The following MYT1L variants were observed in gnomAD, a reference collection of about 807,000 sequenced individuals.
The protein encoded by MYT1L is myelin transcription factor 1 like, also known as myelin transcription factor 1-like protein.
MYT1L carries 12 observed loss-of-function variants against 126.7 expected under a neutral mutation model. The observed-to-expected ratio is 0.09, with a 90% CI of 0.06 to 0.15. The LOEUF is 0.15. MYT1L is among the 10% of genes least tolerant of loss of function. The pLI is 1.00. For synonymous variants in MYT1L, 541 were observed against 604.2 expected, an observed-to-expected ratio of 0.90 and a Z score of 1.53; for missense variants, 979 against 1,585.2, an observed-to-expected ratio of 0.62 and a Z score of 6.49.
chr2:2,206,312 A>G (rs996021998), intron 2 of MYT1L, among the ~76,000 whole-genome samples: 3 of 152,080 alleles, frequency 2.0e-5, no homozygotes, highest in Non-Finnish European at 2.9e-5. Context: ...TTGAACATCT[A>G]TTTGTACCAT....
At chr2:2,134,200 C>T (rs1260708493) in intron 3 of MYT1L, among the ~76,000 whole-genome samples, 1 of 152,170 alleles carries the variant, frequency 6.6e-6, no homozygotes, top group Non-Finnish European at 1.5e-5. Flanking sequence ...GGGAGTCTCA[C>T]CTCCCTCCTG....
intron 1 of MYT1L, among the ~76,000 whole-genome samples, chr2:2,294,820 G>A (rs2095647605): frequency 6.6e-6 from 1 of 152,156 alleles, no homozygotes; most frequent in Non-Finnish European, 1.5e-5. Flanking sequence ...GCAAAGACTT[G>A]GGCAGGGTAT....
At chr2:2,010,615 C>T (rs1410244526) in intron 4 of MYT1L, among the ~76,000 whole-genome samples, 1 of 152,002 alleles carries the variant, frequency 6.6e-6, no homozygotes, top group East Asian at 1.9e-4. Flanking sequence ...GATCCGACGC[C>T]CTTCTAGGGA....
chr2:1,834,948 A>C (rs28440999), intron 21 of MYT1L, among the ~76,000 whole-genome samples: 573 of 40,390 alleles, frequency 0.014, 24 homozygotes, highest in African/African-American at 0.05. Context: ...CCTCCACATA[A>C]CACGGGGATG....
At chr2:2,006,646 G>A (rs1181186883) in intron 4 of MYT1L, among the ~76,000 whole-genome samples, 2 of 152,010 alleles carry the variant, frequency 1.3e-5, no homozygotes, top group Admixed American at 1.3e-4. Context: ...CGTGATCTCG[G>A]CTCACTGCAA....
chr2:2,160,826 G>C (rs1026104226), intron 3 of MYT1L, among the ~76,000 whole-genome samples: 3 of 152,158 alleles, frequency 2.0e-5, no homozygotes, highest in Admixed American at 6.5e-5. Flanking sequence ...ACATAAAGCA[G>C]GGAGGAGAAG....
Position 2,178,375 on chromosome 2 carries a change from T to C in MYT1L, c.-420-5387A>G, listed in dbSNP as rs530569544. Among the ~76,000 whole-genome samples the C allele has an allele frequency of 2.6e-5, 4 of 152,224 alleles. No homozygotes were observed. In the South Asian group the frequency reaches 8.3e-4, roughly 32 times the overall value. On this transcript the variant is annotated intron_variant, in intron 2 of 24. Transcript: ENST00000647738. ...TGGCTGTCTACAAACCAATAAACAATGTGGCAAGGACATCACATTTGTGGC... is the reference window on the plus strand; with the variant it reads ...TGGCTGTCTACAAACCAATAAACAACGTGGCAAGGACATCACATTTGTGGC...
At chr2:2,190,070 C>T (rs1433958953) in intron 2 of MYT1L, among the ~76,000 whole-genome samples, 1 of 152,216 alleles carries the variant, frequency 6.6e-6, no homozygotes, top group Non-Finnish European at 1.5e-5. Context: ...TCCCATAGGG[C>T]TCATCCTTCG....
At chr2:1,952,530 T>C (rs1032476291) in intron 8 of MYT1L, among the ~76,000 whole-genome samples, 2 of 151,910 alleles carry the variant, frequency 1.3e-5, no homozygotes, top group Non-Finnish European at 2.9e-5. Context: ...CAGCTGGGAT[T>C]GTTTCTTATA....
At chr2:2,016,678 A>C (rs2064438648) in intron 4 of MYT1L, among the ~76,000 whole-genome samples, 1 of 152,278 alleles carries the variant, frequency 6.6e-6, no homozygotes, top group Admixed American at 6.5e-5. Flanking sequence ...AATAATATTT[A>C]GAATCAAGAG....
chr2:1,842,083 T>A (rs184945749), intron 19 of MYT1L: 10 of 152,334 alleles, frequency 6.6e-5, no homozygotes, highest in Admixed American at 6.5e-4. Flanking sequence ...TTGGGTCTTG[T>A]GGAAATCGCG....
chr2:1,979,010 A>G lies in MYT1L; in HGVS notation c.152+155T>C, dbSNP rs2060390967. Among the ~76,000 whole-genome samples, 1 of 152,156 alleles carries G rather than the reference A, an allele frequency of 6.6e-6. No individual in the cohort carries two copies. Among genetic ancestry groups the G allele is most frequent in the African/African-American group, 2.4e-5 (1 of 41,428 alleles). ...GGCTTATGTTTTGAGAACCCTTTCA[A>G]GAGACAAAGACTGAGTTCCAGTGTG... On this transcript the variant is annotated intron_variant, in intron 8 of 24. Transcript: ENST00000647738. The surrounding 1 kb of genome is among the most constrained non-coding windows in gnomAD (Gnocchi z 4.0).
chr2:1,801,093 G>A lies in MYT1L; in HGVS notation c.3276+603C>T, dbSNP rs1025773186. The A allele has an allele frequency of 6.6e-6, 1 of 152,462 alleles. No individual in the cohort carries two copies. The highest frequency in any genetic ancestry group is 2.1e-4 in the South Asian group (1 of 4,826). 9.4% of individuals were successfully genotyped at this position (152,462 alleles called of 1,614,324 possible). A position where few individuals can be genotyped will look rare whatever the true frequency, so the allele number is the denominator to read the frequency against. On this transcript the variant is annotated intron_variant, in intron 23 of 24. Transcript: ENST00000647738. The surrounding 1 kb of genome is among the most constrained non-coding windows in gnomAD (Gnocchi z 4.2). ...GCCTCTGTGGCTTCGGCTTGGCTGA[G>A]GAAGCTGCCTCTCCATCTTAGAAGC...
chr2:1,826,776 C>T (rs1270203312), intron 21 of MYT1L, among the ~76,000 whole-genome samples: 1 of 151,522 alleles, frequency 6.6e-6, no homozygotes, highest in Non-Finnish European at 1.5e-5. Context: ...GAAGTCAAGT[C>T]CCTGAAGGCT....
At chr2:2,064,127 A>T (rs1056629701) in intron 3 of MYT1L, among the ~76,000 whole-genome samples, 4 of 152,202 alleles carry the variant, frequency 2.6e-5, no homozygotes, top group Non-Finnish European at 4.4e-5. Context: ...TGAGGAGGGG[A>T]GAAGCCCAGA....
Position 1,922,216 on chromosome 2 carries a change from G to C in MYT1L, c.1483+70C>G, listed in dbSNP as rs183934036. 8 of 1,555,802 alleles carry C rather than the reference G, an allele frequency of 5.1e-6. No homozygotes were observed. The Admixed American group carries it at 1.1e-4, about 21-fold the overall frequency. On this transcript the variant is annotated intron_variant, in intron 10 of 24. Coordinates refer to ENST00000647738, the MANE Select transcript of MYT1L (RefSeq NM_001303052.2). The surrounding 1 kb of genome is among the most constrained non-coding windows in gnomAD (Gnocchi z 7.4). ...CAGTGTGAGTCACACTTTAACTGTA[G>C]ACTACCACCAACATCCTTTACCCTA... is the stretch of plus-strand genomic sequence containing the variant.
At chr2:2,024,314 T>TA (rs1298147746) in intron 4 of MYT1L, among the ~76,000 whole-genome samples, 2 of 152,124 alleles carry the variant, frequency 1.3e-5, no homozygotes, top group Non-Finnish European at 2.9e-5. Context: ...CAAAATTAAT[T>TA]AAAAAAACAA....
At chr2:2,065,620 C>A (rs963520391) in intron 3 of MYT1L, among the ~76,000 whole-genome samples, 1 of 152,148 alleles carries the variant, frequency 6.6e-6, no homozygotes, top group Admixed American at 6.5e-5. Context: ...CATGTCTACC[C>A]CGCACTTCTC....
chr2:2,019,001 G>GC (rs2064744047), intron 4 of MYT1L, among the ~76,000 whole-genome samples: 2 of 152,116 alleles, frequency 1.3e-5, no homozygotes, highest in Non-Finnish European at 2.9e-5. Context: ...TCCCACCTTA[G>GC]TACAATACTA....
Sources: allele counts gnomAD v4.1 joint callset (sites outside exome capture counted in the v4.1 genomes callset), GRCh38; gene constraint gnomAD v4.1.1; non-coding constraint Gnocchi (gnomAD v3.1); transcripts MANE v1.5; gene names NCBI Gene and HGNC (gene_info 2026-07-23, HGNC 2026-07-21).